The following APOLD1 variants were observed in gnomAD, a reference collection of about 807,000 sequenced individuals.
APOLD1 encodes the protein apolipoprotein L domain-containing protein 1.
A neutral mutation model predicts 15.3 loss-of-function variants in APOLD1; 22 were observed. The observed-to-expected ratio is 1.44, with a 90% confidence interval of 1.03 to 2.05. The LOEUF (loss-of-function observed/expected upper bound fraction) is 2.05, where lower values mean the gene tolerates loss of function less well. Ranked by LOEUF, APOLD1 falls within the 30% of genes most tolerant of loss-of-function variation. The pLI, the probability that APOLD1 is intolerant of heterozygous loss-of-function variation, is 0.00. For synonymous variants in APOLD1, 190 were observed against 167.4 expected (o/e 1.13, Z -1.04); for missense variants, 394 against 353.5 (o/e 1.11, Z -0.92).
chr12:12,767,932 C>T (rs543709331), intron 1 of APOLD1, among the ~76,000 whole-genome samples: 7 of 151,966 alleles, frequency 4.6e-5, no homozygotes, highest in African/African-American at 9.6e-5. Context: ...ACTACAGGCA[C>T]GTGCCACCAT....
intron 1 of APOLD1, among the ~76,000 whole-genome samples, chr12:12,776,382 G>T (rs1225176918): frequency 6.6e-6 from 1 of 152,178 alleles, no homozygotes. Flanking sequence ...CCTGAGAAAG[G>T]GCCAGACAAA....
intron 1 of APOLD1, chr12:12,726,503 TATA>T (rs1440779462): frequency 7.7e-6 from 2 of 258,546 alleles, no homozygotes; most frequent in Non-Finnish European, 1.6e-5. Flanking sequence ...TTTTAAAGTT[TATA>T]ATAAGTCAAA....
intron 1 of APOLD1, among the ~76,000 whole-genome samples, chr12:12,768,044 C>T (rs1946954590): frequency 6.6e-6 from 1 of 152,086 alleles, no homozygotes; most frequent in South Asian, 2.1e-4. Flanking sequence ...CTCGGCATCC[C>T]AAAGTGCTGG....
In APOLD1 at chr12:12,789,366, T is replaced by C. The variant is rs1010032115; in HGVS notation, c.*1714T>C. ...TGAAGTAAGTGTGGAGAGTCTTGAA[T>C]GGCAAGACCAGGAGCTGAGTTTAAG... On this transcript the variant is annotated 3_prime_UTR_variant, in exon 2 of 2. Transcript: ENST00000356591. The C allele has an allele frequency of 3.3e-5, 5 of 152,198 alleles. No homozygotes were observed. The highest frequency in any genetic ancestry group is 1.3e-4 in the Admixed American group (2 of 15,284). 9.4% of individuals were successfully genotyped at this position (152,198 alleles called of 1,614,324 possible).
chr12:12,756,498 G>T (rs1216720526), intron 1 of APOLD1, among the ~76,000 whole-genome samples: 2 of 151,874 alleles, frequency 1.3e-5, no homozygotes, highest in African/African-American at 2.4e-5. Context: ...CTTCCTCTAT[G>T]GATTTTTTGT....
chr12:12,774,048 A>G (rs1266170786), intron 1 of APOLD1, among the ~76,000 whole-genome samples: 1 of 152,188 alleles, frequency 6.6e-6, no homozygotes, highest in East Asian at 1.9e-4. Context: ...CTTTTCAGAT[A>G]CAACATCAAA....
intron 1 of APOLD1, among the ~76,000 whole-genome samples, chr12:12,770,162 CACTT>C (rs1362640763): frequency 1.6e-4 from 25 of 152,118 alleles, no homozygotes; most frequent in Non-Finnish European, 3.4e-4. Flanking sequence ...GTAATCCCAG[CACTT>C]TGGGAGGCCG....
intron 1 of APOLD1, among the ~76,000 whole-genome samples, chr12:12,747,307 C>CA (rs936040668): frequency 6.6e-6 from 1 of 152,170 alleles, no homozygotes; most frequent in Non-Finnish European, 1.5e-5. Context: ...AAACAAAAAA[C>CA]AAAACCTGTC....
rs1947184054 is a variant in APOLD1 at position 12,791,164 on chromosome 12, A to T, written c.*3512A>T. ...AAGCATTCGAATCCTAACTGCTTTG[A>T]TGCACTTGCCCTCGGGCACCTGTCA... On this transcript the variant is annotated 3_prime_UTR_variant, in exon 2 of 2. Transcript: ENST00000356591. The T allele has an allele frequency of 6.6e-6, 1 of 152,216 alleles. No homozygotes were observed. Among genetic ancestry groups the T allele is most frequent in the Non-Finnish European group, 1.5e-5 (1 of 68,038 alleles). The allele number at this position is 152,216 out of a possible 1,614,324, so 9.4% of individuals were successfully genotyped here.
rs1322523340 is a variant in APOLD1, at chr12:12,746,509, A to AC, written c.96+20413_96+20414insC. On this transcript the variant is annotated intron_variant, in intron 1 of 1. Transcript: ENST00000326765. Reference sequence around the variant, plus strand: ...GAAACTCCATCTCAAATAAATAAATAAATAAATACATAAATACATACATAC... The same window carrying AC: ...GAAACTCCATCTCAAATAAATAAATACAATAAATACATAAATACATACATAC... Among the ~76,000 whole-genome samples, 286 of 151,398 alleles carry AC rather than the reference A, an allele frequency of 1.9e-3. 1 individual carries two copies. The South Asian group carries it at 0.022, about 12-fold the overall frequency.
exon 1 of APOLD1, chr12:12,726,037 G>T: frequency 6.5e-7 from 1 of 1,541,308 alleles, no homozygotes; most frequent in Non-Finnish European, 8.8e-7. Flanking sequence ...GCGGGCCAGG[G>T]GTACTCGGAA....
chr12:12,788,554 A>G lies in APOLD1; in HGVS notation c.*902A>G, dbSNP rs1208796563. ...CCTGTTGTGAGATATTAAATGAGCC[A>G]AAGTGCCTAGCATGATGGTGCTGGC... On this transcript the variant is annotated 3_prime_UTR_variant, in exon 2 of 2. Coordinates refer to ENST00000356591, the MANE Select transcript of APOLD1 (RefSeq NM_030817.3). The G allele has an allele frequency of 6.6e-6, 1 of 152,224 alleles. No homozygotes were observed. The highest frequency in any genetic ancestry group is 2.4e-5 in the African/African-American group (1 of 41,442). 9.4% of individuals were successfully genotyped at this position (152,224 alleles called of 1,614,324 possible).
chr12:12,786,724 C>G (rs746108204), intron 1 of APOLD1, 185 bp from the exon 2 acceptor site: 37 of 985,328 alleles, frequency 3.8e-5, no homozygotes, highest in Non-Finnish European at 4.2e-5. Context: ...GTGGCTCCCC[C>G]CGGATTCCAG....
At chr12:12,779,141 C>T (rs1472761409) in intron 1 of APOLD1, among the ~76,000 whole-genome samples, 3 of 152,156 alleles carry the variant, frequency 2.0e-5, no homozygotes, top group African/African-American at 4.8e-5. Flanking sequence ...GTCCAAATAA[C>T]TTCTGTTTGA....
intron 1 of APOLD1, among the ~76,000 whole-genome samples, chr12:12,770,567 G>GAAAAAAAAAAAAAAAACAAA (rs36112693): frequency 2.5e-5 from 3 of 119,270 alleles, no homozygotes; most frequent in African/African-American, 6.3e-5. Context: ...AAAAAAGACT[G>GAAAAAAAAAAAAAAAACAAA]AAAAAAAAAA....
intron 1 of APOLD1, among the ~76,000 whole-genome samples, chr12:12,750,625 T>A (rs184585197): frequency 2.4e-3 from 363 of 152,242 alleles, no homozygotes; most frequent in African/African-American, 8.0e-3. Context: ...CTTATTGAGT[T>A]TTTTTTGCGC....
chr12:12,781,024 T>C (rs1947075615), upstream of APOLD1, among the ~76,000 whole-genome samples: 1 of 152,188 alleles, frequency 6.6e-6, no homozygotes, highest in Non-Finnish European at 1.5e-5. Flanking sequence ...TATGAATTAA[T>C]ATTTTATAAA....
chr12:12,770,131 C>A (rs1017586489), intron 1 of APOLD1, among the ~76,000 whole-genome samples: 1 of 152,030 alleles, frequency 6.6e-6, no homozygotes, highest in African/African-American at 2.4e-5. Context: ...TTAGAGAGGC[C>A]GGGGGCGGTG....
intron 1 of APOLD1, among the ~76,000 whole-genome samples, chr12:12,758,161 C>T (rs1946872186): frequency 1.3e-5 from 2 of 149,166 alleles, no homozygotes; most frequent in African/African-American, 4.9e-5. Context: ...TGTTCTCCAT[C>T]TCCTGACCTC....
Sources: allele counts gnomAD v4.1 joint callset (sites outside exome capture counted in the v4.1 genomes callset), GRCh38; gene constraint gnomAD v4.1.1; transcripts MANE v1.5; gene names NCBI Gene and HGNC (gene_info 2026-07-23, HGNC 2026-07-21).